The following NSF variants were observed in gnomAD, a reference collection of about 807,000 sequenced individuals.
NSF encodes vesicle-fusing ATPase.
A neutral mutation model predicts 50.3 loss-of-function variants in NSF; 14 were observed. The observed-to-expected ratio is 0.28, with a 90% CI of 0.18 to 0.44. The LOEUF (loss-of-function observed/expected upper bound fraction) is 0.44, where lower values mean the gene tolerates loss of function less well. Among genes scored for constraint, NSF ranks in the 20% least tolerant of loss-of-function variants. NSF has a pLI of 1.00. For missense variants in NSF, 218 were observed against 504.3 expected (o/e 0.43, Z 5.44); for synonymous variants, 109 against 175.7 (o/e 0.62, Z 3.00).
At chr17:46,737,090 G>A (rs1259593974) in intron 17 of NSF, among the ~76,000 whole-genome samples, 2 of 152,212 alleles carry the variant, frequency 1.3e-5, no homozygotes, top group Non-Finnish European at 2.9e-5. Flanking sequence ...TTTATTAGAT[G>A]TACATTTAAG....
chr17:46,711,254 C>A, intron 14 of NSF, 135 bp downstream of exon 14: 1 of 808,368 alleles, frequency 1.2e-6, no homozygotes, highest in Non-Finnish European at 1.8e-6. Context: ...AATAGTAATC[C>A]AATCTATGTA....
In NSF at chr17:46,734,033, G is replaced by A. The variant is rs77897081; in HGVS notation, c.1908+5099G>A. ...ACACACTTGTTTCTGCATGAGTTTT[G>A]TTTTTAACATCAGCAGTCTCTAGAC... is the stretch of plus-strand genomic sequence containing the variant. On this transcript the variant is annotated intron_variant, in intron 17 of 20. Transcript: ENST00000398238. Among the ~76,000 whole-genome samples the A allele has an allele frequency of 1.0e-3, 156 of 152,282 alleles. 1 individual carries two copies. The highest frequency in any genetic ancestry group is 2.3e-3 in the South Asian group (11 of 4,828).
At chr17:46,669,773 CT>C (rs1357183437) in intron 8 of NSF, among the ~76,000 whole-genome samples, 4 of 60,844 alleles carry the variant, frequency 6.6e-5, no homozygotes, top group Non-Finnish European at 1.3e-4. Flanking sequence ...CTGCTTAAAA[CT>C]TTTCACAGCT....
chr17:46,626,122 T>A (rs868246870), intron 2 of NSF, among the ~76,000 whole-genome samples: 1 of 138,106 alleles, frequency 7.2e-6, no homozygotes, highest in Non-Finnish European at 1.5e-5. Context: ...TTTTTTTTTT[T>A]ATTTTGTAGG....
intron 16 of NSF, among the ~76,000 whole-genome samples, chr17:46,728,506 A>G (rs910416637): frequency 2.0e-5 from 3 of 152,024 alleles, no homozygotes; most frequent in Non-Finnish European, 2.9e-5. Context: ...ATGGCAACCT[A>G]TAATCCCAGC....
At chr17:46,704,684 G>A (rs546284950) in intron 12 of NSF, 75 bp from the exon 13 acceptor site, 34 of 1,542,032 alleles carry the variant, frequency 2.2e-5, no homozygotes, top group East Asian at 1.9e-4. Flanking sequence ...CAAGAGTTAC[G>A]TTCTTAAACT....
At chr17:46,755,652 T>C (rs986366644) in intron 20 of NSF, 150 bp from the exon 21 acceptor site, 2 of 834,892 alleles carry the variant, frequency 2.4e-6, no homozygotes, top group South Asian at 1.8e-5. Context: ...CCATTTTCTT[T>C]TGTGAAGTGC....
rs1401464128 is a variant in NSF at position 46,737,588 on chromosome 17, T to A, written c.1908+8654T>A. On this transcript the variant is annotated intron_variant, in intron 17 of 20. Coordinates refer to ENST00000398238, the MANE Select transcript of NSF (RefSeq NM_006178.4). ...GTGTGTGTGCGTGTGTGTGTGTGTG[T>A]GTGTGTGTGTGTGTGTTTTCTGATC... 2.0e-5 allele frequency among the ~76,000 whole-genome samples: 3 copies of A among 151,732 alleles called. No individual in the cohort carries two copies. In the South Asian group the frequency reaches 6.3e-4, roughly 32 times the overall value.
At chr17:46,718,684 T>C (rs2058798679) in intron 15 of NSF, among the ~76,000 whole-genome samples, 1 of 152,174 alleles carries the variant, frequency 6.6e-6, no homozygotes, top group Admixed American at 6.5e-5. Context: ...CCGAATGACC[T>C]TGGATATGTC....
intron 17 of NSF, among the ~76,000 whole-genome samples, chr17:46,729,324 T>C (rs1055255742): frequency 6.6e-6 from 1 of 152,170 alleles, no homozygotes; most frequent in African/African-American, 2.4e-5. Context: ...TTCCTAAAAA[T>C]TTGTTTATGG....
intron 16 of NSF, among the ~76,000 whole-genome samples, chr17:46,727,996 G>GCAACTTTAGAA (rs1555676882): frequency 6.8e-6 from 1 of 147,266 alleles, no homozygotes; most frequent in Admixed American, 6.8e-5. Flanking sequence ...TGGATATTCT[G>GCAACTTTAGAA]TTTTTTTTTT....
intron 1 of NSF, among the ~76,000 whole-genome samples, chr17:46,609,538 AT>A (rs2057985600): frequency 6.7e-6 from 1 of 150,316 alleles, no homozygotes. Flanking sequence ...CCAGTTTTTG[AT>A]TCAATTATTT....
At chr17:46,605,995 C>A (rs866784572) in intron 1 of NSF, among the ~76,000 whole-genome samples, 9 of 51,052 alleles carry the variant, frequency 1.8e-4, no homozygotes, top group Non-Finnish European at 2.0e-4. Flanking sequence ...ACTAAAAATA[C>A]AAAAAAAAAA....
chr17:46,738,114 T>C (rs2059028761), intron 17 of NSF, among the ~76,000 whole-genome samples: 1 of 151,866 alleles, frequency 6.6e-6, no homozygotes, highest in South Asian at 2.1e-4. Context: ...TTATATTTTT[T>C]GTATAGACAG....
In NSF at chr17:46,719,541, G is replaced by A. The variant is rs2058807135; in HGVS notation, c.1761+5555G>A. Among the ~76,000 whole-genome samples, 1 of 152,158 alleles carries A rather than the reference G, an allele frequency of 6.6e-6. No individual in the cohort carries two copies. Among genetic ancestry groups the A allele is most frequent in the African/African-American group, 2.4e-5 (1 of 41,438 alleles). ...AAACTCCTCAAAACTGCTGAAGTAT[G>A]TATGAGGTATTGTCCTCACGTTCTG... On this transcript the variant is annotated intron_variant, in intron 15 of 20. Coordinates refer to ENST00000398238, the MANE Select transcript of NSF (RefSeq NM_006178.4). This position sits in a 1 kb window ranked among gnomAD's most constrained non-coding sequence, Gnocchi z 4.3.
intron 18 of NSF, 35 bp downstream of exon 18, chr17:46,749,942 A>G: frequency 6.2e-7 from 1 of 1,602,308 alleles, no homozygotes; most frequent in Non-Finnish European, 8.5e-7. Flanking sequence ...CACTGTTTAT[A>G]AGAAAGGAAT....
chr17:46,609,843 T>TTTG (rs2057991482), intron 1 of NSF, among the ~76,000 whole-genome samples: 1 of 141,340 alleles, frequency 7.1e-6, no homozygotes. Flanking sequence ...TTTTTTTTTT[T>TTTG]GAGATAGGGT....
chr17:46,754,832 C>T (rs146498629), intron 19 of NSF, among the ~76,000 whole-genome samples: 162 of 152,280 alleles, frequency 1.1e-3, no homozygotes, highest in African/African-American at 3.6e-3. Context: ...AACTATATGA[C>T]GGATACTGAG....
chr17:46,712,967 T>C (rs1031344103), intron 14 of NSF, among the ~76,000 whole-genome samples: 12 of 152,136 alleles, frequency 7.9e-5, no homozygotes, highest in African/African-American at 2.7e-4. Flanking sequence ...TGGAGATCAT[T>C]TGTGACCTTG....
Sources: allele counts gnomAD v4.1 joint callset (sites outside exome capture counted in the v4.1 genomes callset), GRCh38; gene constraint gnomAD v4.1.1; non-coding constraint Gnocchi (gnomAD v3.1); transcripts MANE v1.5; gene names NCBI Gene and HGNC (gene_info 2026-07-23, HGNC 2026-07-21).